LHFPL3: variants seen among roughly 807,000 people sequenced by gnomAD.
LHFPL3 encodes LHFPL tetraspan subfamily member 3.
Under a neutral mutation model 19.3 loss-of-function variants are expected in LHFPL3, and 5 were observed. The ratio of observed to expected loss-of-function variants is 0.26; its 90% CI spans 0.14 to 0.54. LHFPL3 has a LOEUF of 0.54. Ranked by LOEUF, LHFPL3 falls within the 20% of genes least tolerant of loss-of-function variation. LHFPL3 has a pLI of 0.94. For synonymous variants in LHFPL3, 133 were observed against 126.2 expected (o/e 1.05, Z -0.36); for missense variants, 249 against 307.4 (o/e 0.81, Z 1.42).
intron 1 of LHFPL3, among the ~76,000 whole-genome samples, chr7:104,628,821 C>A: frequency 6.6e-6 from 1 of 152,150 alleles, no homozygotes; most frequent in Non-Finnish European, 1.5e-5. Context: ...CGATTCTCCT[C>A]TCATTGAGTG....
chr7:104,340,201 TA>T (rs72223274), intron 1 of LHFPL3, among the ~76,000 whole-genome samples: 1 of 152,162 alleles, frequency 6.6e-6, no homozygotes, highest in Non-Finnish European at 1.5e-5. Context: ...AGATTTTTTT[TA>T]AAAAGAGATT....
intron 1 of LHFPL3, among the ~76,000 whole-genome samples, chr7:104,513,859 C>T (rs574082473): frequency 6.6e-6 from 1 of 152,156 alleles, no homozygotes; most frequent in African/African-American, 2.4e-5. Flanking sequence ...TTGAGAACCA[C>T]TGGTTAAACA....
At chr7:104,765,041 A>G (rs1025777175) in intron 2 of LHFPL3, among the ~76,000 whole-genome samples, 2 of 152,256 alleles carry the variant, frequency 1.3e-5, no homozygotes, top group Admixed American at 6.5e-5. Flanking sequence ...CTCTTAGGAC[A>G]TCAGATCTGA....
chr7:104,822,913 A>C (rs1353905051), intron 2 of LHFPL3, among the ~76,000 whole-genome samples: 1 of 152,128 alleles, frequency 6.6e-6, no homozygotes, highest in East Asian at 1.9e-4. Context: ...AAGAAGTGCG[A>C]GTTTAGTGTC....
chr7:104,595,603 G>C (rs1047270430), intron 1 of LHFPL3, among the ~76,000 whole-genome samples: 1 of 152,254 alleles, frequency 6.6e-6, no homozygotes, highest in Non-Finnish European at 1.5e-5. Flanking sequence ...AGAGCTGTCA[G>C]ACAGGGATGT....
intron 2 of LHFPL3, among the ~76,000 whole-genome samples, chr7:104,848,623 AAGGG>A (rs764143477): frequency 7.5e-5 from 11 of 146,772 alleles, no homozygotes; most frequent in Non-Finnish European, 1.4e-4. Flanking sequence ...TGTCTGAGGA[AAGGG>A]AGGGAGGGAG....
intron 1 of LHFPL3, among the ~76,000 whole-genome samples, chr7:104,732,197 T>A (rs550062782): frequency 6.6e-6 from 1 of 152,218 alleles, no homozygotes; most frequent in Non-Finnish European, 1.5e-5. Context: ...TTTTTGGTTG[T>A]GTCCCTGCCA....
At chr7:104,339,122 C>A (rs1227553761) in intron 1 of LHFPL3, among the ~76,000 whole-genome samples, 2 of 152,102 alleles carry the variant, frequency 1.3e-5, no homozygotes, top group Non-Finnish European at 2.9e-5. Context: ...ATGGCGAGTG[C>A]CTGTAATCCC....
chr7:104,334,948 C>A (rs944796551), intron 1 of LHFPL3, among the ~76,000 whole-genome samples: 14 of 152,052 alleles, frequency 9.2e-5, no homozygotes, highest in African/African-American at 1.7e-4. Context: ...CCTTCAGGAG[C>A]AATAAAGACA....
rs533710034 is a variant in LHFPL3, at chr7:104,512,914, G to T, written c.445+183690G>T. ...GATGAGGCAGCTCTTTTCTCTGTCA[G>T]TCCAGCTCTTGGCTGGTTAAACAGC... On this transcript the variant is annotated intron_variant, in intron 1 of 2. Coordinates refer to ENST00000424859, the MANE Select transcript of LHFPL3 (RefSeq NM_199000.3). Among the ~76,000 whole-genome samples, 6 of 152,268 alleles carry T rather than the reference G, an allele frequency of 3.9e-5. No homozygotes were observed. In the East Asian group the frequency reaches 1.2e-3, roughly 29 times the overall value.
At chr7:104,521,198 G>A (rs990538455) in intron 1 of LHFPL3, among the ~76,000 whole-genome samples, 5 of 151,938 alleles carry the variant, frequency 3.3e-5, no homozygotes, top group African/African-American at 1.2e-4. Context: ...CCTTCATTTC[G>A]TTATGTACCC....
At chr7:104,766,192 A>C (rs1032774727) in intron 2 of LHFPL3, among the ~76,000 whole-genome samples, 1 of 152,224 alleles carries the variant, frequency 6.6e-6, no homozygotes, top group African/African-American at 2.4e-5. Context: ...AGAGAACAAA[A>C]GAAACTTTGT....
intron 1 of LHFPL3, among the ~76,000 whole-genome samples, chr7:104,541,271 AT>A (rs1794482381): frequency 6.6e-6 from 1 of 152,038 alleles, no homozygotes; most frequent in Admixed American, 6.6e-5. Flanking sequence ...TTTACCACCC[AT>A]TGCATTAGTG....
intron 1 of LHFPL3, among the ~76,000 whole-genome samples, chr7:104,341,052 C>G (rs950440235): frequency 6.6e-6 from 1 of 152,134 alleles, no homozygotes. Flanking sequence ...TCACAGTTAT[C>G]GAAAGCAAAA....
At chr7:104,499,689 C>G (rs1793560679) in intron 1 of LHFPL3, among the ~76,000 whole-genome samples, 1 of 152,190 alleles carries the variant, frequency 6.6e-6, no homozygotes, top group African/African-American at 2.4e-5. Flanking sequence ...TTAGCTCAAT[C>G]TGTTACGTTA....
At chr7:104,679,035 C>T (rs1408463569) in intron 1 of LHFPL3, among the ~76,000 whole-genome samples, 4 of 152,180 alleles carry the variant, frequency 2.6e-5, no homozygotes, top group Non-Finnish European at 5.9e-5. Context: ...TCCAAAACTT[C>T]GCAACTTAAA....
chr7:104,451,346 G>C (rs73712134), intron 1 of LHFPL3, among the ~76,000 whole-genome samples: 1,739 of 152,234 alleles, frequency 0.011, 26 homozygotes, highest in African/African-American at 0.039. Context: ...TGAAGAAGCT[G>C]GAATCAGTAA....
At chr7:104,906,088 C>A in intron 2 of LHFPL3, 99 bp from the exon 3 acceptor site, 1 of 1,136,694 alleles carries the variant, frequency 8.8e-7, no homozygotes, top group Non-Finnish European at 1.3e-6. Flanking sequence ...TATAGTTTTT[C>A]CGTGACAAAT....
At chr7:104,421,609 C>A (rs142080474) in intron 1 of LHFPL3, among the ~76,000 whole-genome samples, 1 of 152,050 alleles carries the variant, frequency 6.6e-6, no homozygotes, top group Non-Finnish European at 1.5e-5. Flanking sequence ...AAGCCAGAGA[C>A]AAGATTACAG....
Sources: gnomAD v4.1 joint callset for allele counts (sites outside exome capture counted in the v4.1 genomes callset) on GRCh38, gnomAD v4.1.1 for gene constraint, MANE v1.5 for transcripts, NCBI Gene and HGNC (gene_info 2026-07-23, HGNC 2026-07-21) for gene names.